Variants in FNTB observed in about 807,000 individuals in gnomAD.
FNTB encodes farnesyltransferase, CAAX box, subunit beta.
In FNTB, 27 loss-of-function variants were observed where a neutral mutation model predicts 59.4. That is an observed-to-expected ratio of 0.45 (90% CI 0.34 to 0.63). The LOEUF (loss-of-function observed/expected upper bound fraction) is 0.63. Ranked by LOEUF, FNTB falls within the 20% of genes least tolerant of loss-of-function variation. The pLI, the probability that FNTB is intolerant of heterozygous loss-of-function variation, is 0.02. For synonymous variants in FNTB, 230 were observed against 220.7 expected, an observed-to-expected ratio of 1.04 and a Z score of -0.37; for missense variants, 449 against 559.6, an observed-to-expected ratio of 0.80 and a Z score of 1.99.
Position 64,997,825 on chromosome 14 carries a change from AAG to A in FNTB, c.145-6419_145-6418del, listed in dbSNP as rs1310281257. ...GTCATCCTTGTCTCCCTGGTACAGA[AAG>A]AGAGGCAAATGGAGATTTCCTTTTA... On this transcript the variant is annotated intron_variant, in intron 1 of 11. Transcript: ENST00000246166. The surrounding 1 kb of genome is among the most constrained non-coding windows in gnomAD (Gnocchi z 4.5). Among the ~76,000 whole-genome samples the A allele has an allele frequency of 2.0e-5, 3 of 152,210 alleles. No homozygotes were observed. The East Asian group carries it at 5.8e-4, about 29-fold the overall frequency.
rs1283531572 is a variant in FNTB, at chr14:65,015,530, G to T, written c.283-95G>T. 4 of 1,309,222 alleles carry T rather than the reference G, an allele frequency of 3.1e-6. No homozygotes were observed. In the Admixed American group the frequency reaches 5.8e-5, roughly 19 times the overall value. 81.1% of individuals were successfully genotyped at this position (1,309,222 alleles called of 1,614,324 possible). On this transcript the variant is annotated intron_variant, in intron 3 of 11. Coordinates refer to ENST00000246166, the MANE Select transcript of FNTB (RefSeq NM_002028.4). ...GAGCAAGGGTGCCCTCCTCCCCCTT[G>T]CCAGGCTGCTGGGAGTGAGACAGAT...
chr14:65,032,195 A>C lies in FNTB; in HGVS notation c.606-415A>C, dbSNP rs1167319379. Among the ~76,000 whole-genome samples, 1 of 152,172 alleles carries C rather than the reference A, an allele frequency of 6.6e-6. No homozygotes were observed. Among genetic ancestry groups the C allele is most frequent in the Non-Finnish European group, 1.5e-5 (1 of 68,038 alleles). ...AATCTTTAATGTGTCAAGGCTGTAA[A>C]CAGAAATCCTGGCTCTGAAACAGTA... is the stretch of plus-strand genomic sequence containing the variant. On this transcript the variant is annotated intron_variant, in intron 6 of 11. Coordinates refer to ENST00000246166, the MANE Select transcript of FNTB (RefSeq NM_002028.4). The surrounding 1 kb of genome is among the most constrained non-coding windows in gnomAD (Gnocchi z 5.0).
intron 2 of FNTB, among the ~76,000 whole-genome samples, chr14:65,005,592 C>A (rs2061574837): frequency 6.6e-6 from 1 of 150,556 alleles, no homozygotes; most frequent in Admixed American, 6.7e-5. Flanking sequence ...GTCTTTCTCA[C>A]TTTCTTTCCT....
At chr14:65,038,579 G>A (rs375755233) in intron 7 of FNTB, among the ~76,000 whole-genome samples, 16 of 151,816 alleles carry the variant, frequency 1.1e-4, no homozygotes, top group African/African-American at 2.7e-4. Context: ...TTAGCCGGGC[G>A]TGGTGGCATG....
chr14:65,031,501 G>GC lies in FNTB; in HGVS notation c.606-1109_606-1108insC, dbSNP rs1253012162. 6.6e-6 allele frequency among the ~76,000 whole-genome samples: 1 copy of GC among 151,632 alleles called. No homozygotes were observed. Among genetic ancestry groups the GC allele is most frequent in the African/African-American group, 2.4e-5 (1 of 41,310 alleles). The stretch of plus-strand genomic sequence containing the variant: ...CCCAGCTAATTTTTGTGTTTTTAGT[G>GC]GAGACGGGGTTTCGCAATATTGGTC... On this transcript the variant is annotated intron_variant, in intron 6 of 11. Coordinates refer to ENST00000246166, the MANE Select transcript of FNTB (RefSeq NM_002028.4). This position sits in a 1 kb window ranked among gnomAD's most constrained non-coding sequence, Gnocchi z 4.6.
chr14:65,010,006 G>A (rs1402964385), intron 2 of FNTB, among the ~76,000 whole-genome samples: 1 of 152,102 alleles, frequency 6.6e-6, no homozygotes, highest in Non-Finnish European at 1.5e-5. Context: ...GGACTTTCCT[G>A]AAAGAGAAAC....
rs565638965 is a variant in FNTB, at chr14:65,057,889, C to G, written c.1182+3200C>G. Among the ~76,000 whole-genome samples, 45 of 152,298 alleles carry G rather than the reference C, an allele frequency of 3.0e-4. 1 individual carries two copies. The highest frequency in any genetic ancestry group is 3.4e-3 in the Middle Eastern group (1 of 294). ...CATGAAGGGGCCCTGTTTCTGGACT[C>G]TCTTATTTTGTTCCTTTGGTCTGTT... On this transcript the variant is annotated intron_variant, in intron 11 of 11. Transcript: ENST00000246166.
Position 64,992,078 on chromosome 14 carries a change from TG to T in FNTB, c.144+4982del, listed in dbSNP as rs548592827. On this transcript the variant is annotated intron_variant, in intron 1 of 11. Transcript: ENST00000246166. Reference sequence around the variant, plus strand: ...TGGAGGTGGAACAAATCACTAAATATGATAAAACTTCCCAACTTTTTATGCC... The same window carrying T: ...TGGAGGTGGAACAAATCACTAAATATATAAAACTTCCCAACTTTTTATGCC... 1.2e-4 allele frequency among the ~76,000 whole-genome samples: 19 copies of T among 152,296 alleles called. No individual in the cohort carries two copies. The South Asian group carries it at 3.9e-3, about 32-fold the overall frequency.
chr14:65,057,539 G>C (rs990158519), intron 11 of FNTB, among the ~76,000 whole-genome samples: 11 of 152,134 alleles, frequency 7.2e-5, no homozygotes, highest in African/African-American at 2.7e-4. Context: ...TTAACTTAAG[G>C]AATCTCTACC....
chr14:65,040,875 G>T lies in FNTB; in HGVS notation c.778G>T (p.Val260Leu). The T allele has an allele frequency of 6.2e-7, 1 of 1,614,034 alleles. No homozygotes were observed. The highest frequency in any genetic ancestry group is 1.1e-5 in the South Asian group (1 of 91,078). ...TACCTTCTGTGGCCTGGCCGCGCTG[G>T]TAATCCTCAAGAGGGAACGTTCCTT... Reference protein sequence around the residue: ...GYTFCGLAALVILKRERSLNL... With the variant: ...GYTFCGLAALLILKRERSLNL... Residue 260 changes from valine to leucine, a missense_variant, in exon 8 of 12, where the codon GTA becomes TTA. Transcript: ENST00000246166.
Position 65,032,616 on chromosome 14 carries a change from A to T in FNTB, c.612A>T (p.Ala204=), listed in dbSNP as rs773309833. 8.1e-6 allele frequency: 13 copies of T among 1,613,648 alleles called. No homozygotes were observed. In the East Asian group the frequency reaches 2.5e-4, roughly 30 times the overall value. The change falls in exon 7 of 12, where the codon GCA becomes GCT. Residue 204 remains alanine, a synonymous_variant. Transcript: ENST00000246166. The surrounding 1 kb of genome is among the most constrained non-coding windows in gnomAD (Gnocchi z 5.0). Reference sequence around the variant, plus strand: ...CCCGTTTCTGTCTTTCCAGAAGCGCATACTGTGCTGCCTCCGTAGCCTCGC... The same window carrying T: ...CCCGTTTCTGTCTTTCCAGAAGCGCTTACTGTGCTGCCTCCGTAGCCTCGC... ...HVGGEVDVRS[A]YCAASVASLT... is the part of the protein sequence containing the mutation.
At position 65,012,435 on chromosome 14, in the gene FNTB, A is replaced by G. The variant is rs2139512384; in HGVS notation, c.282+46A>G. The G allele has an allele frequency of 6.2e-7, 1 of 1,610,128 alleles. No individual in the cohort carries two copies. Among genetic ancestry groups the G allele is most frequent in the East Asian group, 2.2e-5 (1 of 44,778 alleles). On this transcript the variant is annotated intron_variant, in intron 3 of 11. Coordinates refer to ENST00000246166, the MANE Select transcript of FNTB (RefSeq NM_002028.4). The surrounding 1 kb of genome is among the most constrained non-coding windows in gnomAD (Gnocchi z 5.0). ...CTCTTGCTGTCAAATTATCCACCAAATCCTCCTCCTTTTTCTATTTAAACG... is the reference window on the plus strand; with the variant it reads ...CTCTTGCTGTCAAATTATCCACCAAGTCCTCCTCCTTTTTCTATTTAAACG...
intron 11 of FNTB, among the ~76,000 whole-genome samples, chr14:65,059,631 T>C (rs2062816057): frequency 6.6e-6 from 1 of 152,128 alleles, no homozygotes; most frequent in South Asian, 2.1e-4. Flanking sequence ...TCTCCTGCAG[T>C]TGTGTCCCCT....
chr14:65,056,001 C>T (rs191388978), intron 11 of FNTB, among the ~76,000 whole-genome samples: 1 of 152,282 alleles, frequency 6.6e-6, no homozygotes, highest in East Asian at 1.9e-4. Flanking sequence ...TTTCCTCCCT[C>T]CTTCTCCAGA....
At position 65,040,874 on chromosome 14, in the gene FNTB, G is replaced by A. The variant is rs768199579; in HGVS notation, c.777G>A (p.Leu259=). The part of the protein sequence containing the change: ...GGYTFCGLAA[L]VILKRERSLN... The stretch of plus-strand genomic sequence containing the variant: ...ATACCTTCTGTGGCCTGGCCGCGCT[G>A]GTAATCCTCAAGAGGGAACGTTCCT... The change falls in exon 8 of 12, where the codon CTG becomes CTA. Residue 259 remains leucine, a synonymous_variant. Transcript: ENST00000246166. 6.2e-7 allele frequency: 1 copy of A among 1,613,968 alleles called. No homozygotes were observed. The highest frequency in any genetic ancestry group is 8.5e-7 in the Non-Finnish European group (1 of 1,179,960).
chr14:65,007,905 T>C lies in FNTB; in HGVS notation c.209+3592T>C, dbSNP rs542687622. Among the ~76,000 whole-genome samples the C allele has an allele frequency of 8.3e-4, 127 of 152,344 alleles. 7 individuals carry two copies. The South Asian group carries it at 0.024, about 28-fold the overall frequency. On this transcript the variant is annotated intron_variant, in intron 2 of 11. Coordinates refer to ENST00000246166, the MANE Select transcript of FNTB (RefSeq NM_002028.4). The surrounding 1 kb of genome is among the most constrained non-coding windows in gnomAD (Gnocchi z 4.9). Reference sequence around the variant, plus strand: ...AGAAATATTGATAATGTCCCTGTGCTAATAGAGCCCTGGAGGTTAAGTGCT... The same window carrying C: ...AGAAATATTGATAATGTCCCTGTGCCAATAGAGCCCTGGAGGTTAAGTGCT...
chr14:65,049,669 A>G (rs973810742), intron 9 of FNTB, among the ~76,000 whole-genome samples: 6 of 152,200 alleles, frequency 3.9e-5, no homozygotes, highest in African/African-American at 1.4e-4. Context: ...AATTTTAGCC[A>G]CAGGTTATCA....
At chr14:65,051,413 G>A (rs930413111) in intron 9 of FNTB, among the ~76,000 whole-genome samples, 3 of 152,126 alleles carry the variant, frequency 2.0e-5, no homozygotes, top group Admixed American at 1.3e-4. Context: ...GAGTTAGAGA[G>A]CAGCCTGACC....
At chr14:65,049,703 T>C (rs2062564387) in intron 9 of FNTB, among the ~76,000 whole-genome samples, 2 of 152,196 alleles carry the variant, frequency 1.3e-5, no homozygotes, top group Admixed American at 6.5e-5. Flanking sequence ...AATAGTCTTT[T>C]ATTTGTTATA....
Sources: gnomAD v4.1 joint callset for allele counts (sites outside exome capture counted in the v4.1 genomes callset) on GRCh38, gnomAD v4.1.1 for gene constraint, Gnocchi (gnomAD v3.1) non-coding constraint, MANE v1.5 for transcripts, NCBI Gene and HGNC (gene_info 2026-07-23, HGNC 2026-07-21) for gene names.